DCC: variants seen among roughly 807,000 people sequenced by gnomAD.
DCC encodes the protein netrin receptor DCC.
In DCC, 58 loss-of-function variants were observed where a neutral mutation model predicts 172.5. The ratio of observed to expected loss-of-function variants is 0.34; its 90% CI spans 0.27 to 0.42. The LOEUF (loss-of-function observed/expected upper bound fraction) is 0.42. DCC is among the 10% of genes least tolerant of loss of function. The probability of loss-of-function intolerance (pLI) is 1.00; values close to 1 mark genes in which losing one functional copy is unlikely to be tolerated. For missense variants in DCC, 1,740 were observed against 1,791.0 expected (o/e 0.97, Z 0.51); for synonymous variants, 709 against 644.5 (o/e 1.10, Z -1.52).
intron 9 of DCC, among the ~76,000 whole-genome samples, chr18:53,190,125 C>A (rs2055344270): frequency 6.6e-6 from 1 of 152,070 alleles, no homozygotes; most frequent in Admixed American, 6.5e-5. Context: ...CAGGTTTCTC[C>A]ATGTTGGTCA....
At chr18:53,410,416 G>T (rs372831386) in intron 19 of DCC, 36 bp from the exon 20 acceptor site, 1 of 1,347,718 alleles carries the variant, frequency 7.4e-7, no homozygotes, top group African/African-American at 1.4e-5. Context: ...CAGCGTGTAG[G>T]ACACCAAATT....
chr18:53,222,568 A>G (rs761719305), intron 12 of DCC, among the ~76,000 whole-genome samples: 1 of 149,532 alleles, frequency 6.7e-6, no homozygotes, highest in East Asian at 1.9e-4. Context: ...ACTTTTTTTT[A>G]GTAGAGACGG....
intron 1 of DCC, among the ~76,000 whole-genome samples, chr18:52,696,025 G>A (rs538380048): frequency 2.0e-5 from 3 of 152,284 alleles, no homozygotes; most frequent in Non-Finnish European, 2.9e-5. Flanking sequence ...TGAATGTATT[G>A]TTAGCAGCTT....
At chr18:52,779,339 G>A (rs539036733) in intron 2 of DCC, among the ~76,000 whole-genome samples, 22 of 152,120 alleles carry the variant, frequency 1.4e-4, no homozygotes, top group South Asian at 1.2e-3. Context: ...AGTGTTTGAC[G>A]TTCCCCTCCC....
At chr18:53,456,333 GA>G (rs1433800346) in intron 23 of DCC, among the ~76,000 whole-genome samples, 1 of 152,158 alleles carries the variant, frequency 6.6e-6, no homozygotes, top group African/African-American at 2.4e-5. Flanking sequence ...ATCTGAGAAG[GA>G]GAAAACAGAG....
Position 52,538,022 on chromosome 18 carries a change from T to A in DCC, c.91+197144T>A, listed in dbSNP as rs1404238442. Among the ~76,000 whole-genome samples, 4 of 152,208 alleles carry A rather than the reference T, an allele frequency of 2.6e-5. No individual in the cohort carries two copies. The East Asian group carries it at 7.7e-4, about 29-fold the overall frequency. On this transcript the variant is annotated intron_variant, in intron 1 of 28. Transcript: ENST00000442544. ...ACCTAACAGAACTTCCTACCCTGGATTCCACCTGTGCATGAACCATCACAA... is the reference window on the plus strand; with the variant it reads ...ACCTAACAGAACTTCCTACCCTGGAATCCACCTGTGCATGAACCATCACAA...
chr18:53,452,412 G>C (rs2045425550), intron 23 of DCC, among the ~76,000 whole-genome samples: 1 of 152,136 alleles, frequency 6.6e-6, no homozygotes, highest in African/African-American at 2.4e-5. Context: ...TCTGTGAGAA[G>C]AATGTTCGAG....
At position 52,397,880 on chromosome 18, in the gene DCC, C is replaced by T. The variant is rs549330017; in HGVS notation, c.91+57002C>T. On this transcript the variant is annotated intron_variant, in intron 1 of 28. Transcript: ENST00000442544. ...CTCTGGATATATCTGATGGTGCTGG[C>T]CACGGAATATCTGTCCATCTCATGT... Among the ~76,000 whole-genome samples the T allele has an allele frequency of 2.0e-5, 3 of 152,060 alleles. No individual in the cohort carries two copies. The East Asian group carries it at 5.8e-4, about 30-fold the overall frequency.
chr18:52,701,725 T>C (rs1001639710), intron 1 of DCC, among the ~76,000 whole-genome samples: 11 of 151,972 alleles, frequency 7.2e-5, no homozygotes, highest in Admixed American at 7.2e-4. Flanking sequence ...TTGGACTTTG[T>C]CACCTCTTCC....
chr18:52,530,779 G>A (rs907032540), intron 1 of DCC, among the ~76,000 whole-genome samples: 26 of 152,264 alleles, frequency 1.7e-4, no homozygotes, highest in Non-Finnish European at 3.1e-4. Context: ...AAAGTCCTAA[G>A]ACACCCAGAG....
chr18:52,439,172 T>TG (rs768728750), intron 1 of DCC, among the ~76,000 whole-genome samples: 1 of 39,918 alleles, frequency 2.5e-5, no homozygotes, highest in African/African-American at 9.6e-5. Context: ...GGAAGATATG[T>TG]TTTGTGTGTG....
intron 15 of DCC, among the ~76,000 whole-genome samples, chr18:53,356,205 C>T (rs1329544565): frequency 6.6e-6 from 1 of 152,104 alleles, no homozygotes; most frequent in Non-Finnish European, 1.5e-5. Flanking sequence ...CCAGTGTGAG[C>T]TATGCACATG....
At chr18:53,076,367 T>C (rs528761313) in intron 7 of DCC, among the ~76,000 whole-genome samples, 1 of 152,244 alleles carries the variant, frequency 6.6e-6, no homozygotes, top group East Asian at 1.9e-4. Context: ...ATTGAGGACA[T>C]GGTACCATAT....
chr18:52,382,169 A>G (rs1985614529), intron 1 of DCC, among the ~76,000 whole-genome samples: 1 of 152,164 alleles, frequency 6.6e-6, no homozygotes, highest in Non-Finnish European at 1.5e-5. Context: ...AGATGTAAAA[A>G]TGAATAGGAA....
chr18:52,848,533 A>G (rs1359902404), intron 2 of DCC, among the ~76,000 whole-genome samples: 1 of 152,156 alleles, frequency 6.6e-6, no homozygotes, highest in African/African-American at 2.4e-5. Flanking sequence ...TTTTTTTCCC[A>G]TAGAATTATT....
In DCC at chr18:53,366,685, G is replaced by A. The variant is rs149473349; in HGVS notation, c.2360-19358G>A. Among the ~76,000 whole-genome samples, 657 of 152,088 alleles carry A rather than the reference G, an allele frequency of 4.3e-3. 7 individuals carry two copies. The highest frequency in any genetic ancestry group is 0.015 in the African/African-American group (621 of 41,472). On this transcript the variant is annotated intron_variant, in intron 15 of 28. Coordinates refer to ENST00000442544, the MANE Select transcript of DCC (RefSeq NM_005215.4). ...AAGCAATTACTTTAATAATAGACTC[G>A]CCTATCTGAGTTTTAACAAGACACG...
rs200099595 is a variant in DCC, at chr18:53,294,026, G to A, written c.1912-11552G>A. ...CTGTGCTCCTACAATGAAGCGGGTT[G>A]GGTAAGTTATTAGTTTCTCCTTTTT... On this transcript the variant is annotated intron_variant, in intron 12 of 28. Transcript: ENST00000442544. Among the ~76,000 whole-genome samples, 8 of 152,190 alleles carry A rather than the reference G, an allele frequency of 5.3e-5. No homozygotes were observed. The East Asian group carries it at 1.5e-3, about 29-fold the overall frequency.
intron 1 of DCC, among the ~76,000 whole-genome samples, chr18:52,712,800 T>C (rs190838246): frequency 1.4e-4 from 21 of 152,332 alleles, no homozygotes; most frequent in Non-Finnish European, 1.8e-4. Context: ...GGAAGCAAAT[T>C]GCCTGGCAAA....
chr18:52,831,014 G>T (rs1481970994), intron 2 of DCC, among the ~76,000 whole-genome samples: 1 of 152,128 alleles, frequency 6.6e-6, no homozygotes, highest in Non-Finnish European at 1.5e-5. Context: ...GCAAGTCTCG[G>T]TATTAGTAGG....
Sources: gnomAD v4.1 joint callset for allele counts (sites outside exome capture counted in the v4.1 genomes callset) on GRCh38, gnomAD v4.1.1 for gene constraint, MANE v1.5 for transcripts, NCBI Gene and HGNC (gene_info 2026-07-23, HGNC 2026-07-21) for gene names.